ENO4: variants seen among roughly 807,000 people sequenced by gnomAD.
The protein encoded by ENO4 is enolase 4.
A neutral mutation model predicts 63.2 loss-of-function variants in ENO4; 53 were observed. The ratio of observed to expected loss-of-function variants is 0.84; its 90% CI spans 0.67 to 1.05. The LOEUF (loss-of-function observed/expected upper bound fraction) is 1.05. Ranked by LOEUF, ENO4 falls within the 50% of genes least tolerant of loss-of-function variation. The pLI is 0.00. For synonymous variants in ENO4, 266 were observed against 283.8 expected (o/e 0.94, Z 0.63); for missense variants, 719 against 772.0 (o/e 0.93, Z 0.81).
chr10:116,868,531 G>C (rs547024583), intron 7 of ENO4, 119 bp from the exon 8 acceptor site: 312 of 797,858 alleles, frequency 3.9e-4, no homozygotes, highest in Non-Finnish European at 4.6e-4. Context: ...GTGCGTGTAT[G>C]TGTGCACACG....
chr10:116,894,571 T>A (rs2133309652), intron 10 of ENO4, among the ~76,000 whole-genome samples: 1 of 152,320 alleles, frequency 6.6e-6, no homozygotes, highest in South Asian at 2.1e-4. Flanking sequence ...TCTTTGAGAA[T>A]GACCAAGACG....
At chr10:116,901,668 A>G in intron 10 of ENO4, 1 of 1,363,594 alleles carries the variant, frequency 7.3e-7, no homozygotes, top group Non-Finnish European at 9.4e-7. Flanking sequence ...CGGCGAGCCA[A>G]TCAAAATCTC....
chr10:116,895,827 C>T (rs1314826263), intron 10 of ENO4, among the ~76,000 whole-genome samples: 4 of 152,162 alleles, frequency 2.6e-5, no homozygotes, highest in Non-Finnish European at 4.4e-5. Context: ...AAGTTGTTTA[C>T]CTCACTGAGC....
At position 116,879,022 on chromosome 10, in the gene ENO4, A is replaced by C. The variant is rs549518996; in HGVS notation, c.1538-269A>C. Among the ~76,000 whole-genome samples, 348 of 152,174 alleles carry C rather than the reference A, an allele frequency of 2.3e-3. 1 individual carries two copies. Among genetic ancestry groups the C allele is most frequent in the African/African-American group, 7.9e-3 (330 of 41,522 alleles). On this transcript the variant is annotated intron_variant, in intron 11 of 13. Transcript: ENST00000341276. Reference sequence around the variant, plus strand: ...CCTCCCAAAGTGCTGGGATTACAGGAGTGAGCCACCGTGCCCAGCCATCAT... The same window carrying C: ...CCTCCCAAAGTGCTGGGATTACAGGCGTGAGCCACCGTGCCCAGCCATCAT...
intron 10 of ENO4, chr10:116,906,556 GT>G: frequency 1.4e-6 from 2 of 1,446,482 alleles, no homozygotes; most frequent in Non-Finnish European, 1.9e-6. Flanking sequence ...ATTGTTTCAT[GT>G]AAAAAGAGAC....
intron 6 of ENO4, among the ~76,000 whole-genome samples, chr10:116,862,295 C>G (rs1846437235): frequency 1.3e-5 from 2 of 151,952 alleles, no homozygotes; most frequent in Admixed American, 1.3e-4. Flanking sequence ...AAAACCCCGT[C>G]TCTACTAAAA....
At chr10:116,866,107 C>A (rs530091713) in intron 7 of ENO4, among the ~76,000 whole-genome samples, 1 of 152,248 alleles carries the variant, frequency 6.6e-6, no homozygotes, top group South Asian at 2.1e-4. Flanking sequence ...CTAAACTGCC[C>A]CCAAATCACA....
At chr10:116,878,086 A>G (rs545910234) in intron 11 of ENO4, among the ~76,000 whole-genome samples, 11 of 152,308 alleles carry the variant, frequency 7.2e-5, no homozygotes, top group South Asian at 2.1e-4. Flanking sequence ...CTAGCATCCT[A>G]TATTTCCTCT....
intron 10 of ENO4, among the ~76,000 whole-genome samples, chr10:116,903,646 A>G (rs771162854): frequency 1.3e-5 from 2 of 152,244 alleles, no homozygotes; most frequent in Non-Finnish European, 2.9e-5. Context: ...TCCTGAAAAT[A>G]TAAATACGAA....
At chr10:116,853,638 C>T (rs751856842) in intron 1 of ENO4, among the ~76,000 whole-genome samples, 8 of 152,156 alleles carry the variant, frequency 5.3e-5, no homozygotes, top group Non-Finnish European at 7.4e-5. Flanking sequence ...ATTATAGGTG[C>T]TTGGTGCTTG....
intron 10 of ENO4, chr10:116,901,740 C>T (rs1412295052): frequency 6.4e-7 from 1 of 1,558,326 alleles, no homozygotes; most frequent in Non-Finnish European, 8.6e-7. Context: ...CTATACACCA[C>T]TTAGTAAAGA....
At chr10:116,904,502 T>G (rs1230477604) in intron 10 of ENO4, among the ~76,000 whole-genome samples, 8 of 152,102 alleles carry the variant, frequency 5.3e-5, no homozygotes, top group Admixed American at 5.2e-4. Flanking sequence ...CAATTACAAG[T>G]CACTCCCTTA....
intron 11 of ENO4, among the ~76,000 whole-genome samples, chr10:116,878,852 T>A (rs1194738671): frequency 2.0e-5 from 3 of 150,132 alleles, no homozygotes; most frequent in Non-Finnish European, 4.4e-5. Flanking sequence ...CACGCCATTC[T>A]CCTGCCTCAG....
intron 10 of ENO4, chr10:116,901,808 G>A (rs2133324837): frequency 1.2e-6 from 2 of 1,601,618 alleles, no homozygotes; most frequent in Middle Eastern, 1.7e-4. Flanking sequence ...AATTTACGGG[G>A]CCCTTCACCT....
chr10:116,868,762 G>T, intron 8 of ENO4, 56 bp downstream of exon 8: 1 of 1,464,882 alleles, frequency 6.8e-7, no homozygotes, highest in East Asian at 2.5e-5. Context: ...TAAATTTCCT[G>T]CCCCTTTTTA....
intron 10 of ENO4, chr10:116,906,577 G>C (rs1309181825): frequency 6.6e-7 from 1 of 1,526,068 alleles, no homozygotes; most frequent in Admixed American, 2.2e-5. Flanking sequence ...CTTAGAAGAA[G>C]ATGTTTCAGA....
intron 1 of ENO4, among the ~76,000 whole-genome samples, chr10:116,850,570 G>A (rs1281157809): frequency 1.3e-5 from 2 of 152,018 alleles, no homozygotes; most frequent in African/African-American, 4.8e-5. Context: ...GGCAAAGCAA[G>A]GAGGCAATGT....
chr10:116,849,666 C>A lies in ENO4; in HGVS notation c.100C>A (p.Arg34Ser), dbSNP rs749622679. The change falls in exon 1 of 14, where the codon CGC becomes AGC. Residue 34 changes from arginine to serine, a missense_variant. This residue lies in a region of ENO4 where 544 missense variants were observed against 583.6 expected (regional missense o/e 0.93). Coordinates refer to ENST00000341276, the MANE Select transcript of ENO4 (RefSeq NM_001242699.2). Reference sequence around the variant, plus strand: ...GTACTACCGGGAGAACGACGTTCCGCGCAGGCTGGAAGAGCTGCTCAACTC... The same window carrying A: ...GTACTACCGGGAGAACGACGTTCCGAGCAGGCTGGAAGAGCTGCTCAACTC... ...MEYYRENDVP[R>S]RLEELLNSTF... 6.5e-7 allele frequency: 1 copy of A among 1,549,960 alleles called. No individual in the cohort carries two copies. Among genetic ancestry groups the A allele is most frequent in the African/African-American group, 1.4e-5 (1 of 73,048 alleles).
intron 10 of ENO4, chr10:116,901,810 C>T: frequency 6.2e-7 from 1 of 1,601,178 alleles, no homozygotes; most frequent in South Asian, 1.1e-5. Flanking sequence ...TTTACGGGGC[C>T]CTTCACCTGG....
Sources: gnomAD v4.1 joint callset for allele counts (sites outside exome capture counted in the v4.1 genomes callset) on GRCh38, gnomAD v4.1.1 for gene constraint, gnomAD v4.1.1 regional missense constraint, MANE v1.5 for transcripts, NCBI Gene and HGNC (gene_info 2026-07-23, HGNC 2026-07-21) for gene names.